Variants in RARB observed in about 807,000 individuals in gnomAD.
RARB encodes the protein retinoic acid receptor beta.
In RARB, 17 loss-of-function variants were observed where a neutral mutation model predicts 51.9. That is an observed-to-expected ratio of 0.33 (90% CI 0.22 to 0.49). RARB has a LOEUF of 0.49. RARB is among the 20% of genes least tolerant of loss of function. The pLI is 0.99. For missense variants in RARB, 369 were observed against 550.8 expected, an observed-to-expected ratio of 0.67 and a Z score of 3.30; for synonymous variants, 215 against 195.4, an observed-to-expected ratio of 1.10 and a Z score of -0.84.
chr3:25,379,242 C>A (rs1158536458), intron 5 of RARB, among the ~76,000 whole-genome samples: 1 of 152,116 alleles, frequency 6.6e-6, no homozygotes, highest in Non-Finnish European at 1.5e-5. Flanking sequence ...CATACTAGGG[C>A]ATGGAAACAT....
intron 5 of RARB, among the ~76,000 whole-genome samples, chr3:25,197,254 G>A (rs1559501361): frequency 6.6e-6 from 1 of 152,210 alleles, no homozygotes; most frequent in East Asian, 1.9e-4. Flanking sequence ...AAGGTGTAAG[G>A]AAGGGATCCA....
intron 4 of RARB, among the ~76,000 whole-genome samples, chr3:25,570,237 C>G (rs1700657961): frequency 6.6e-6 from 1 of 152,246 alleles, no homozygotes; most frequent in African/African-American, 2.4e-5. Context: ...ATGAACTATT[C>G]AGTGCTGCTC....
chr3:25,067,653 T>C (rs747885503), intron 3 of RARB, among the ~76,000 whole-genome samples: 27 of 152,220 alleles, frequency 1.8e-4, no homozygotes, highest in Non-Finnish European at 3.4e-4. Flanking sequence ...AAAGTGTTCA[T>C]TAAATATTTC....
In RARB at chr3:25,215,109, C is replaced by A. The variant is rs565258626; in HGVS notation, c.178+40534C>A. 3.9e-5 allele frequency among the ~76,000 whole-genome samples: 6 copies of A among 152,240 alleles called. No homozygotes were observed. In the East Asian group the frequency reaches 5.8e-4, roughly 15 times the overall value. ...AAATCCCAGCCAGTTGTTCTTAATC[C>A]CAACTGTACACGGACTCACCTGGGG... On this transcript the variant is annotated intron_variant, in intron 5 of 11. Coordinates refer to the RARB transcript ENST00000383772.
At chr3:25,587,182 G>A (rs1701424291) in intron 5 of RARB, among the ~76,000 whole-genome samples, 1 of 151,876 alleles carries the variant, frequency 6.6e-6, no homozygotes. Flanking sequence ...ATTAGTTCCT[G>A]GCACATAGTA....
intron 5 of RARB, among the ~76,000 whole-genome samples, chr3:25,310,084 G>A (rs1704252487): frequency 6.6e-6 from 1 of 152,154 alleles, no homozygotes; most frequent in South Asian, 2.1e-4. Context: ...TGTGAATTTG[G>A]AGTGAAAATG....
chr3:25,267,209 T>C (rs1050626433), intron 5 of RARB, among the ~76,000 whole-genome samples: 2 of 152,214 alleles, frequency 1.3e-5, no homozygotes, highest in African/African-American at 2.4e-5. Context: ...TTTGCTTCTG[T>C]GTTTACTAAG....
At chr3:25,045,469 C>G (rs77633431) in intron 2 of RARB, among the ~76,000 whole-genome samples, 2,314 of 152,234 alleles carry the variant, frequency 0.015, 54 homozygotes, top group African/African-American at 0.053. Flanking sequence ...CATTCAAAGC[C>G]AGAGCTCCCT....
Position 25,169,652 on chromosome 3 carries a change from T to A in RARB, c.-279-4467T>A, listed in dbSNP as rs188172283. Among the ~76,000 whole-genome samples, 478 of 152,130 alleles carry A rather than the reference T, an allele frequency of 3.1e-3. 4 individuals carry two copies. The highest frequency in any genetic ancestry group is 5.1e-3 in the Non-Finnish European group (349 of 68,002). On this transcript the variant is annotated intron_variant, in intron 4 of 11. Transcript: ENST00000383772. Reference sequence around the variant, plus strand: ...AGAGGTTTCTATGTGTGGGCAATAGTTTAAGAGAGTTATATCATATTTATA... The same window carrying A: ...AGAGGTTTCTATGTGTGGGCAATAGATTAAGAGAGTTATATCATATTTATA...
chr3:25,083,726 TGTTGGGACTCTGG>T (rs1170562943), intron 3 of RARB, among the ~76,000 whole-genome samples: 1 of 152,168 alleles, frequency 6.6e-6, no homozygotes, highest in African/African-American at 2.4e-5. Context: ...AATGCTATGT[TGTTGGGACTCTGG>T]GTTGTATTAT....
chr3:25,309,225 C>G (rs1488859823), intron 5 of RARB, among the ~76,000 whole-genome samples: 2 of 147,414 alleles, frequency 1.4e-5, no homozygotes, highest in Non-Finnish European at 3.0e-5. Flanking sequence ...ACGGCAAGCT[C>G]CACCTCCCAG....
chr3:25,116,606 C>T (rs1445819103), intron 3 of RARB, among the ~76,000 whole-genome samples: 1 of 151,936 alleles, frequency 6.6e-6, no homozygotes, highest in Non-Finnish European at 1.5e-5. Flanking sequence ...CTTCTGCCTT[C>T]TGCTTGATGT....
chr3:25,194,045 G>C (rs991148161), intron 5 of RARB, among the ~76,000 whole-genome samples: 1 of 151,404 alleles, frequency 6.6e-6, no homozygotes, highest in Non-Finnish European at 1.5e-5. Flanking sequence ...AGAAATCATG[G>C]TATGTATATA....
intron 2 of RARB, among the ~76,000 whole-genome samples, chr3:24,884,997 C>T (rs1017330829): frequency 2.0e-5 from 3 of 152,216 alleles, no homozygotes; most frequent in African/African-American, 7.2e-5. Context: ...GGTGGCAGAA[C>T]GTAATGACTC....
At chr3:25,089,527 C>T (rs948109420) in intron 3 of RARB, among the ~76,000 whole-genome samples, 4 of 152,010 alleles carry the variant, frequency 2.6e-5, no homozygotes, top group African/African-American at 4.8e-5. Context: ...TGTTGAAATA[C>T]GGTTTGATAT....
rs1697150928 is a variant in RARB, at chr3:25,001,172, GAC to G, written c.-379-58951_-379-58950del. On this transcript the variant is annotated intron_variant, in intron 2 of 11. Transcript: ENST00000383772. ...CAAATTAATCATCTTAAGTAGATGA[GAC>G]AGTTTTTCTACTAACACTGCTTAAA... is the stretch of plus-strand genomic sequence containing the variant. Among the ~76,000 whole-genome samples, 3 of 152,042 alleles carry G rather than the reference GAC, an allele frequency of 2.0e-5. No individual in the cohort carries two copies. The South Asian group carries it at 6.2e-4, about 32-fold the overall frequency.
At chr3:25,090,475 G>C (rs947640304) in intron 3 of RARB, among the ~76,000 whole-genome samples, 1 of 151,996 alleles carries the variant, frequency 6.6e-6, no homozygotes, top group African/African-American at 2.4e-5. Context: ...TGTCACTTTT[G>C]TCACCATCTC....
chr3:25,532,108 T>C (rs1698954261), intron 3 of RARB, among the ~76,000 whole-genome samples: 1 of 152,180 alleles, frequency 6.6e-6, no homozygotes, highest in Non-Finnish European at 1.5e-5. Flanking sequence ...GCCTAAAATG[T>C]GTAATGTTGT....
Position 24,847,677 on chromosome 3 carries a change from C to T in RARB, c.-458-10997C>T, listed in dbSNP as rs115517882. Among the ~76,000 whole-genome samples, 723 of 152,312 alleles carry T rather than the reference C, an allele frequency of 4.7e-3. 4 individuals carry two copies. Among genetic ancestry groups the T allele is most frequent in the African/African-American group, 0.017 (696 of 41,554 alleles). On this transcript the variant is annotated intron_variant, in intron 1 of 11. Coordinates refer to the RARB transcript ENST00000383772. ...CTGCATGGGACTTGTGGTGCTCACACCAGGCCCTAGGTAGTTGGCCACCAT... is the reference window on the plus strand; with the variant it reads ...CTGCATGGGACTTGTGGTGCTCACATCAGGCCCTAGGTAGTTGGCCACCAT...
Sources: allele counts gnomAD v4.1 joint callset (sites outside exome capture counted in the v4.1 genomes callset), GRCh38; gene constraint gnomAD v4.1.1; transcripts MANE v1.5; gene names NCBI Gene and HGNC (gene_info 2026-07-23, HGNC 2026-07-21).